FAM228B: variants seen among roughly 807,000 people sequenced by gnomAD.
FAM228B encodes protein FAM228B.
In FAM228B, 38 loss-of-function variants were observed where a neutral mutation model predicts 42.6. The observed-to-expected ratio is 0.89, with a 90% confidence interval of 0.69 to 1.17. The LOEUF is 1.17. Among genes scored for constraint, FAM228B ranks in the 50% most tolerant of loss-of-function variants. The pLI is 0.00. For missense variants in FAM228B, 344 were observed against 367.3 expected (o/e 0.94, Z 0.52); for synonymous variants, 109 against 122.3 (o/e 0.89, Z 0.72).
chr2:24,092,490 G>C (rs901831208), intron 2 of FAM228B, among the ~76,000 whole-genome samples: 1 of 151,246 alleles, frequency 6.6e-6, no homozygotes, highest in Non-Finnish European at 1.5e-5. Flanking sequence ...CAGGAGACTC[G>C]CTTGAGCCTG....
At chr2:24,082,080 G>A (rs897664537) in intron 2 of FAM228B, among the ~76,000 whole-genome samples, 2 of 152,252 alleles carry the variant, frequency 1.3e-5, no homozygotes, top group East Asian at 1.9e-4. Flanking sequence ...CTGCAGCCTT[G>A]ACCTTCCTGG....
rs781353607 is a variant in FAM228B, at chr2:24,161,470, CA to C, written c.687-29del. On this transcript the variant is annotated intron_variant, in intron 7 of 10. Transcript: ENST00000615575. ...CTCAAAAAACAACAATAAAAAAGAA[CA>C]AAAAAACCTTCTCACACTTGTTATC... 13 of 1,267,862 alleles carry C rather than the reference CA, an allele frequency of 1.0e-5. No homozygotes were observed. In the South Asian group the frequency reaches 1.2e-4, roughly 12 times the overall value. 78.5% of individuals were successfully genotyped at this position (1,267,862 alleles called of 1,614,324 possible).
chr2:24,164,223 A>G lies in FAM228B; in HGVS notation c.820A>G (p.Arg274Gly). ...YKNKGSSFLE[R>G]EPLCYQEGNN... ...AAACAAAGGGTCATCCTTTCTAGAA[A>G]GAGAACCGCTGTGCTATCAGGAGGG... Residue 274 changes from arginine (R) to glycine (G), a missense_variant, in exon 9 of 11, where the codon AGA becomes GGA. Transcript: ENST00000615575. 1.3e-6 allele frequency: 2 copies of G among 1,550,862 alleles called. No homozygotes were observed. The highest frequency in any genetic ancestry group is 1.4e-5 in the African/African-American group (1 of 73,152).
rs1051964937 is a variant in FAM228B at position 24,084,061 on chromosome 2, G to C, written c.-210+3106G>C. On this transcript the variant is annotated intron_variant, in intron 2 of 10. Coordinates refer to the FAM228B transcript ENST00000613899. The surrounding 1 kb of genome is among the most constrained non-coding windows in gnomAD (Gnocchi z 8.4). ...GGCGCCCTGGGTTTAGGTCTGGGAA[G>C]CCCCAGCGCAGCTGCCTGCTGGGTG... 2 of 1,384,750 alleles carry C rather than the reference G, an allele frequency of 1.4e-6. No individual in the cohort carries two copies. The highest frequency in any genetic ancestry group is 3.0e-5 in the South Asian group (2 of 67,062). The allele number at this position is 1,384,750 out of a possible 1,614,324, so 85.8% of individuals were successfully genotyped here. A position where few individuals can be genotyped will look rare whatever the true frequency, so the allele number is the denominator to read the frequency against.
rs906860317 is a variant in FAM228B, at chr2:24,169,108, C to T, written c.*15-248C>T. On this transcript the variant is annotated intron_variant, in intron 10 of 10. Coordinates refer to ENST00000615575, the MANE Select transcript of FAM228B (RefSeq NM_001145710.2). This position sits in a 1 kb window ranked among gnomAD's most constrained non-coding sequence, Gnocchi z 4.2. ...AGGGGTTCCCTCAAATCATGTCACA[C>T]ATCAGTGATCCACCCCATCTATTTG... Among the ~76,000 whole-genome samples the T allele has an allele frequency of 6.6e-6, 1 of 152,228 alleles. No homozygotes were observed. The highest frequency in any genetic ancestry group is 2.4e-5 in the African/African-American group (1 of 41,460).
intron 3 of FAM228B, among the ~76,000 whole-genome samples, chr2:24,111,280 G>A (rs1665790244): frequency 1.3e-5 from 2 of 152,104 alleles, no homozygotes; most frequent in Admixed American, 6.5e-5. Flanking sequence ...GGCTGATTTC[G>A]AACTCCTGGG....
chr2:24,120,587 C>T (rs1329341007), upstream of FAM228B, among the ~76,000 whole-genome samples: 3 of 151,920 alleles, frequency 2.0e-5, no homozygotes, highest in Admixed American at 2.0e-4. Context: ...TGGAATTTCG[C>T]TCTTGTTGCC....
intron 7 of FAM228B, among the ~76,000 whole-genome samples, chr2:24,157,761 C>A (rs200532719): frequency 7.1e-6 from 1 of 140,922 alleles, no homozygotes; most frequent in Non-Finnish European, 1.6e-5. Context: ...ATTAATATCC[C>A]AAGCCATACC....
Position 24,138,142 on chromosome 2 carries a change from C to T in FAM228B, c.360+42C>T, listed in dbSNP as rs1357112314. 5 of 1,394,798 alleles carry T rather than the reference C, an allele frequency of 3.6e-6. No individual in the cohort carries two copies. In the African/African-American group the frequency reaches 4.4e-5, roughly 12 times the overall value. The allele number at this position is 1,394,798 out of a possible 1,614,324, so 86.4% of individuals were successfully genotyped here. Reference sequence around the variant, plus strand: ...TGATGCTTTTTTCAGTTGATTTAGACCTAATGTCATCTTTGTTCATTTATA... The same window carrying T: ...TGATGCTTTTTTCAGTTGATTTAGATCTAATGTCATCTTTGTTCATTTATA... On this transcript the variant is annotated intron_variant, in intron 4 of 10. Coordinates refer to ENST00000615575, the MANE Select transcript of FAM228B (RefSeq NM_001145710.2).
At chr2:24,118,318 A>G (rs905772505) in intron 3 of FAM228B, among the ~76,000 whole-genome samples, 1 of 152,250 alleles carries the variant, frequency 6.6e-6, no homozygotes, top group Non-Finnish European at 1.5e-5. Context: ...AAAATGCAAT[A>G]AAATGAGGCA....
At chr2:24,139,915 A>G (rs967163571) in intron 5 of FAM228B, among the ~76,000 whole-genome samples, 3 of 152,170 alleles carry the variant, frequency 2.0e-5, no homozygotes, top group African/African-American at 7.2e-5. Flanking sequence ...TTTTATAATG[A>G]GCTTCCCCTC....
intron 3 of FAM228B, among the ~76,000 whole-genome samples, chr2:24,108,900 CAAAAA>C (rs138273554): frequency 1.3e-5 from 1 of 79,888 alleles, no homozygotes. Context: ...GAGTCCGTCT[CAAAAA>C]AAAAAAAAAA....
chr2:24,109,171 CAAAA>C (rs70944716), intron 3 of FAM228B, among the ~76,000 whole-genome samples: 24 of 96,036 alleles, frequency 2.5e-4, no homozygotes, highest in African/African-American at 5.8e-4. Flanking sequence ...AGAGTAATGG[CAAAA>C]AAAAAAAAAA....
chr2:24,095,983 A>G lies in FAM228B; in HGVS notation c.-121+754A>G, dbSNP rs1260149523. ...GCAGCCTCCGCTGGTGATACCCAGG[A>G]AAACAGGGTCTGGGGTGGACCTCCA... On this transcript the variant is annotated intron_variant, in intron 3 of 10. Transcript: ENST00000613899. The surrounding 1 kb of genome is among the most constrained non-coding windows in gnomAD (Gnocchi z 4.8). 6.6e-6 allele frequency: 1 copy of G among 152,342 alleles called. No homozygotes were observed. The highest frequency in any genetic ancestry group is 2.4e-5 in the African/African-American group (1 of 41,466). 9.4% of individuals were successfully genotyped at this position (152,342 alleles called of 1,614,324 possible). A position where few individuals can be genotyped will look rare whatever the true frequency, so the allele number is the denominator to read the frequency against.
intron 9 of FAM228B, among the ~76,000 whole-genome samples, chr2:24,164,636 A>T (rs2151032798): frequency 6.6e-6 from 1 of 152,130 alleles, no homozygotes; most frequent in East Asian, 1.9e-4. Context: ...CACGCTGTCC[A>T]GGATTTCCCC....
intron 5 of FAM228B, among the ~76,000 whole-genome samples, chr2:24,143,267 G>A (rs1475479284): frequency 3.3e-5 from 5 of 151,840 alleles, no homozygotes; most frequent in Admixed American, 3.3e-4. Flanking sequence ...TGCAACCTCC[G>A]CCTCCCGGGT....
intron 10 of FAM228B, chr2:24,168,181 G>C (rs1649958428): frequency 6.2e-6 from 1 of 161,088 alleles, no homozygotes; most frequent in African/African-American, 2.4e-5. Flanking sequence ...GGGGAGACTG[G>C]GGGTGGAGAC....
Position 24,147,025 on chromosome 2 carries a change from C to A in FAM228B, c.625C>A (p.Pro209Thr). The A allele has an allele frequency of 6.4e-7, 1 of 1,551,400 alleles. No individual in the cohort carries two copies. The change falls in exon 7 of 11, where the codon CCA becomes ACA. Residue 209 changes from proline (P) to threonine (T), a missense_variant. Physicochemically the swap from Pro to Thr is conservative, Grantham distance 38. Coordinates refer to ENST00000615575, the MANE Select transcript of FAM228B (RefSeq NM_001145710.2). ...TTCTAATTCAAGGCACTTTATAACT[C>A]CAAACGAGTGGCTGAAACTGCCTAC... ...QISNSRHFIT[P>T]NEWLKLPTRY... is the part of the protein sequence containing the mutation.
intron 7 of FAM228B, among the ~76,000 whole-genome samples, chr2:24,158,241 A>C (rs1283901377): frequency 3.0e-5 from 3 of 99,344 alleles, no homozygotes; most frequent in African/African-American, 3.9e-5. Flanking sequence ...AGACTCTATT[A>C]AAATGCCGCT....
Sources: allele counts gnomAD v4.1 joint callset (sites outside exome capture counted in the v4.1 genomes callset), GRCh38; gene constraint gnomAD v4.1.1; non-coding constraint Gnocchi (gnomAD v3.1); transcripts MANE v1.5; gene names NCBI Gene and HGNC (gene_info 2026-07-23, HGNC 2026-07-21).